Variants in FRYL observed in about 807,000 individuals in gnomAD.
FRYL encodes protein furry homolog-like.
FRYL carries 150 observed loss-of-function variants against 351.2 expected under a neutral mutation model. The ratio of observed to expected loss-of-function variants is 0.43; its 90% CI spans 0.37 to 0.49. The LOEUF (loss-of-function observed/expected upper bound fraction) is 0.49, where lower values mean the gene tolerates loss of function less well. Among genes scored for constraint, FRYL ranks in the 20% least tolerant of loss-of-function variants. The pLI, the probability that FRYL is intolerant of heterozygous loss-of-function variation, is 0.00. For missense variants in FRYL, 3,036 were observed against 3,619.3 expected (o/e 0.84, Z 4.13); for synonymous variants, 1,153 against 1,257.1 (o/e 0.92, Z 1.75).
chr4:48,512,911 C>T (rs1413677034), intron 56 of FRYL, among the ~76,000 whole-genome samples: 1 of 152,158 alleles, frequency 6.6e-6, no homozygotes, highest in Non-Finnish European at 1.5e-5. Context: ...TTTCAAGCAA[C>T]TACCTTAAAA....
At chr4:48,608,818 G>A (rs942558679) in intron 9 of FRYL, among the ~76,000 whole-genome samples, 169 bp downstream of exon 9, 2 of 152,212 alleles carry the variant, frequency 1.3e-5, no homozygotes, top group African/African-American at 4.8e-5. Context: ...ATTGAGGTAT[G>A]AGTGTTAAAG....
chr4:48,612,878 C>T (rs1322047758), intron 7 of FRYL, among the ~76,000 whole-genome samples: 5 of 151,934 alleles, frequency 3.3e-5, no homozygotes, highest in South Asian at 2.1e-4. Flanking sequence ...CGTGAGCCAC[C>T]GCACCCGGCC....
chr4:48,505,276 A>C (rs1577828613), intron 60 of FRYL: 2 of 461,556 alleles, frequency 4.3e-6, no homozygotes, highest in East Asian at 4.0e-5. Flanking sequence ...TTAAAAGCCG[A>C]CCTGGACTGT....
chr4:48,524,213 A>G lies in FRYL; in HGVS notation c.7318-1109T>C, dbSNP rs908363990. On this transcript the variant is annotated intron_variant, in intron 53 of 63. Transcript: ENST00000358350. ...TTTTTTTGAAAGCAGAAGAATACTT[A>G]TTTCAAATGAAATTTTAGATGGCAG... Among the ~76,000 whole-genome samples, 59 of 147,026 alleles carry G rather than the reference A, an allele frequency of 4.0e-4. 1 individual carries two copies. The highest frequency in any genetic ancestry group is 1.5e-3 in the African/African-American group (58 of 39,726).
chr4:48,687,507 TG>T (rs1560861181), intron 2 of FRYL, among the ~76,000 whole-genome samples: 182 of 11,138 alleles, frequency 0.016, no homozygotes, highest in Admixed American at 0.025. Context: ...GGGGGGGGGG[TG>T]AGGGGGGAGG....
At chr4:48,692,263 G>C (rs1222129570) in intron 2 of FRYL, among the ~76,000 whole-genome samples, 1 of 152,084 alleles carries the variant, frequency 6.6e-6, no homozygotes, top group African/African-American at 2.4e-5. Context: ...TTTTTGACTA[G>C]GTCAGGAAGT....
Position 48,702,773 on chromosome 4 carries a change from A to AAAAAAAAAAAAAG in FRYL, c.-204+7745_-204+7746insCTTTTTTTTTTTT, listed in dbSNP as rs1553983293. ...AAGACTCCGTCTCAAAAAAAAAAAAAAAAGAAAAAGAAAGAAAAGAAAAAA... is the reference window on the plus strand; with the variant it reads ...AAGACTCCGTCTCAAAAAAAAAAAAAAAAAAAAAAAAAGAAAGAAAAAGAAAGAAAAGAAAAAA... On this transcript the variant is annotated intron_variant, in intron 2 of 63. Transcript: ENST00000358350. Among the ~76,000 whole-genome samples, 4 of 139,280 alleles carry AAAAAAAAAAAAAG rather than the reference A, an allele frequency of 2.9e-5. 2 individuals are homozygous for AAAAAAAAAAAAAG. The highest frequency in any genetic ancestry group is 3.0e-5 in the Non-Finnish European group (2 of 65,928). The allele number at this position is 139,280 out of a possible 152,430, so 91.4% of individuals were successfully genotyped here.
chr4:48,766,107 G>A (rs1186973415), intron 1 of FRYL, among the ~76,000 whole-genome samples: 1 of 152,166 alleles, frequency 6.6e-6, no homozygotes, highest in Non-Finnish European at 1.5e-5. Flanking sequence ...ACTGCCAAAT[G>A]ATCCAGCAAT....
intron 3 of FRYL, among the ~76,000 whole-genome samples, chr4:48,677,214 C>T (rs1763851841): frequency 6.6e-6 from 1 of 152,010 alleles, no homozygotes; most frequent in Non-Finnish European, 1.5e-5. Flanking sequence ...AAATATCATT[C>T]CCTTCAAATT....
At chr4:48,576,386 T>G (rs1457260395) in intron 23 of FRYL, among the ~76,000 whole-genome samples, 164 bp from the exon 24 acceptor site, 3 of 150,344 alleles carry the variant, frequency 2.0e-5, no homozygotes, top group Non-Finnish European at 4.4e-5. Context: ...CACTGCAACC[T>G]CCCCACCTCT....
intron 55 of FRYL, among the ~76,000 whole-genome samples, chr4:48,518,613 T>C (rs2148813426): frequency 1.3e-5 from 2 of 152,360 alleles, no homozygotes; most frequent in East Asian, 3.9e-4. Flanking sequence ...GGCCCACCCC[T>C]CTCCTTCTTG....
intron 2 of FRYL, among the ~76,000 whole-genome samples, chr4:48,696,559 G>C (rs1322697710): frequency 6.6e-6 from 1 of 152,006 alleles, no homozygotes; most frequent in African/African-American, 2.4e-5. Context: ...GAGAACACTA[G>C]GACAAATAGC....
chr4:48,632,114 A>ATATG (rs1753306654), intron 4 of FRYL, among the ~76,000 whole-genome samples: 1 of 38,282 alleles, frequency 2.6e-5, no homozygotes, highest in Non-Finnish European at 8.4e-5. Context: ...ATATATATAT[A>ATATG]TATATATATA....
chr4:48,555,012 C>T lies in FRYL; in HGVS notation c.4267-1629G>A, dbSNP rs548897162. 6.6e-5 allele frequency among the ~76,000 whole-genome samples: 10 copies of T among 152,296 alleles called. No homozygotes were observed. The South Asian group carries it at 1.9e-3, about 28-fold the overall frequency. On this transcript the variant is annotated intron_variant, in intron 35 of 63. Transcript: ENST00000358350. ...CCTCTGTAAAACTGCAGTGATCTCACCAAACTCATAGATTCTGAGATTTAA... is the reference window on the plus strand; with the variant it reads ...CCTCTGTAAAACTGCAGTGATCTCATCAAACTCATAGATTCTGAGATTTAA...
In FRYL at chr4:48,606,558, T is replaced by C. The variant is rs749309771; in HGVS notation, c.621A>G (p.Arg207=). 6.2e-7 allele frequency: 1 copy of C among 1,613,146 alleles called. No homozygotes were observed. The highest frequency in any genetic ancestry group is 1.7e-5 in the Admixed American group (1 of 60,016). ...KKFVTELKEL[R]QKEQSPHVVQ... ...CCACATGTGGGCTTTGTTCCTTTTGTCGCAGTTCTTTTAATTCTGTCACAA... is the reference window on the plus strand; with the variant it reads ...CCACATGTGGGCTTTGTTCCTTTTGCCGCAGTTCTTTTAATTCTGTCACAA... The change falls in exon 10 of 64, where the codon CGA becomes CGG. Residue 207 remains arginine (R), a synonymous_variant. Coordinates refer to ENST00000358350, the MANE Select transcript of FRYL (RefSeq NM_015030.2).
intron 1 of FRYL, among the ~76,000 whole-genome samples, chr4:48,723,995 GC>G (rs1362625718): frequency 6.6e-6 from 1 of 150,770 alleles, no homozygotes; most frequent in African/African-American, 2.4e-5. Flanking sequence ...GGGTGTGGTG[GC>G]ACACACCTGT....
Position 48,567,307 on chromosome 4 carries a change from A to G in FRYL, c.3110T>C (p.Leu1037Pro). 6.2e-7 allele frequency: 1 copy of G among 1,612,956 alleles called. No homozygotes were observed. The highest frequency in any genetic ancestry group is 1.1e-5 in the South Asian group (1 of 90,870). Residue 1037 changes from leucine to proline, a missense_variant, in exon 28 of 64, where the codon CTG becomes CCG. Leu to Pro is a moderately conservative substitution (Grantham distance 98). Transcript: ENST00000358350. The surrounding 1 kb of genome is among the most constrained non-coding windows in gnomAD (Gnocchi z 4.2). ...ACTAAAATGGCATCGTATATCCTTC[A>G]GTGTGTCAGAGTCTTTTTCATTTTC... ...EAENEKDSDT[L>P]KDIRCHFSAL...
chr4:48,672,551 C>A (rs141383458), intron 3 of FRYL, among the ~76,000 whole-genome samples: 2 of 152,306 alleles, frequency 1.3e-5, no homozygotes, highest in East Asian at 3.9e-4. Context: ...GAAGTCCTGA[C>A]CTCCTTCACA....
At chr4:48,596,136 T>C (rs1401432100) in intron 13 of FRYL, 136 bp from the exon 14 acceptor site, 1 of 615,602 alleles carries the variant, frequency 1.6e-6, no homozygotes, top group African/African-American at 1.9e-5. Context: ...AGGTACATAT[T>C]TGGTATAGGG....
Sources: gnomAD v4.1 joint callset for allele counts (sites outside exome capture counted in the v4.1 genomes callset) on GRCh38, gnomAD v4.1.1 for gene constraint, Gnocchi (gnomAD v3.1) non-coding constraint, MANE v1.5 for transcripts, NCBI Gene and HGNC (gene_info 2026-07-23, HGNC 2026-07-21) for gene names.